The following NCAM2 variants were observed in gnomAD, a reference collection of about 807,000 sequenced individuals.
The protein encoded by NCAM2 is neural cell adhesion molecule 2.
Under a neutral mutation model 98.1 loss-of-function variants are expected in NCAM2, and 30 were observed. That is an observed-to-expected ratio of 0.31 (90% CI 0.23 to 0.41). The LOEUF (loss-of-function observed/expected upper bound fraction) is 0.41, where lower values mean the gene tolerates loss of function less well. NCAM2 is among the 10% of genes least tolerant of loss of function. The pLI, the probability that NCAM2 is intolerant of heterozygous loss-of-function variation, is 1.00. For missense variants in NCAM2, 867 were observed against 1,005.8 expected (o/e 0.86, Z 1.87); for synonymous variants, 368 against 342.4 (o/e 1.07, Z -0.83).
chr21:21,477,089 AAAC>A (rs1482751613), intron 14 of NCAM2, among the ~76,000 whole-genome samples, 199 bp from the exon 15 acceptor site: 4 of 152,104 alleles, frequency 2.6e-5, no homozygotes, highest in Non-Finnish European at 4.4e-5. Flanking sequence ...TGGCTAATAT[AAAC>A]AACATTATAT....
intron 1 of NCAM2, among the ~76,000 whole-genome samples, chr21:21,247,633 C>T (rs1454374475): frequency 6.6e-6 from 1 of 152,068 alleles, no homozygotes; most frequent in Non-Finnish European, 1.5e-5. Context: ...CATTGTTTAT[C>T]TTAACCAGTG....
intron 8 of NCAM2, among the ~76,000 whole-genome samples, chr21:21,362,524 C>G (rs1436096383): frequency 6.6e-6 from 1 of 152,018 alleles, no homozygotes; most frequent in Non-Finnish European, 1.5e-5. Context: ...TTCTGGGTAG[C>G]TGGGACTACA....
intron 1 of NCAM2, among the ~76,000 whole-genome samples, chr21:21,000,583 A>G (rs2064001214): frequency 6.6e-6 from 1 of 152,206 alleles, no homozygotes; most frequent in African/African-American, 2.4e-5. Flanking sequence ...GCACTCTGAG[A>G]CAAGCATCTC....
chr21:21,453,530 A>T (rs1981659176), intron 12 of NCAM2, among the ~76,000 whole-genome samples: 1 of 152,066 alleles, frequency 6.6e-6, no homozygotes, highest in African/African-American at 2.4e-5. Context: ...CTCGTAAGTA[A>T]TTCTAGAAAG....
chr21:21,534,840 CTT>C, intron 17 of NCAM2, among the ~76,000 whole-genome samples, 184 bp downstream of exon 17: 1 of 152,080 alleles, frequency 6.6e-6, no homozygotes, highest in South Asian at 2.1e-4. Context: ...TTCATGAAAA[CTT>C]TGTATGAATG....
chr21:21,003,672 T>G (rs1342108225), intron 1 of NCAM2, among the ~76,000 whole-genome samples: 1 of 152,176 alleles, frequency 6.6e-6, no homozygotes, highest in Admixed American at 6.5e-5. Flanking sequence ...TTATTTAGTT[T>G]TAAAAAATCA....
At chr21:21,000,315 T>C (rs1237944894) in intron 1 of NCAM2, among the ~76,000 whole-genome samples, 1 of 152,070 alleles carries the variant, frequency 6.6e-6, no homozygotes, top group South Asian at 2.1e-4. Context: ...GGGAGCATAA[T>C]AGGAAACAAG....
chr21:21,492,825 CTTTAT>C (rs1342567340), intron 15 of NCAM2, among the ~76,000 whole-genome samples: 1 of 151,778 alleles, frequency 6.6e-6, no homozygotes, highest in Non-Finnish European at 1.5e-5. Context: ...AGATAGAGGA[CTTTAT>C]TTTTTCTGTT....
At chr21:21,177,994 A>G (rs2068350021) in intron 1 of NCAM2, among the ~76,000 whole-genome samples, 1 of 152,144 alleles carries the variant, frequency 6.6e-6, no homozygotes, top group Admixed American at 6.5e-5. Context: ...AACAGTTTAT[A>G]TATTTTTATA....
At chr21:21,442,034 A>T (rs756781008) in intron 12 of NCAM2, among the ~76,000 whole-genome samples, 1 of 152,168 alleles carries the variant, frequency 6.6e-6, no homozygotes. Context: ...CCCGATATTT[A>T]CATACACATT....
chr21:21,485,655 A>G (rs1986285741), intron 15 of NCAM2, among the ~76,000 whole-genome samples: 1 of 152,184 alleles, frequency 6.6e-6, no homozygotes, highest in Non-Finnish European at 1.5e-5. Flanking sequence ...TTTCACTTGC[A>G]ACCACATCTT....
chr21:21,209,601 G>T (rs1342249640), intron 1 of NCAM2, among the ~76,000 whole-genome samples: 1 of 152,122 alleles, frequency 6.6e-6, no homozygotes, highest in Non-Finnish European at 1.5e-5. Flanking sequence ...AGCTAGTCAT[G>T]GAAGTGGGTC....
intron 1 of NCAM2, among the ~76,000 whole-genome samples, chr21:21,265,840 C>T (rs1601815168): frequency 6.6e-6 from 1 of 152,016 alleles, no homozygotes; most frequent in East Asian, 1.9e-4. Context: ...GGGCTCAAAC[C>T]CAAACCTCAG....
At chr21:21,174,027 G>A (rs1234405778) in intron 1 of NCAM2, among the ~76,000 whole-genome samples, 1 of 152,102 alleles carries the variant, frequency 6.6e-6, no homozygotes, top group Admixed American at 6.5e-5. Flanking sequence ...GAGTTCAAGC[G>A]ATTCTCCTGC....
At chr21:21,236,906 T>C (rs551201463) in intron 1 of NCAM2, among the ~76,000 whole-genome samples, 1 of 152,294 alleles carries the variant, frequency 6.6e-6, no homozygotes, top group Non-Finnish European at 1.5e-5. Context: ...ACGTTTAGGA[T>C]AGAAAACTAG....
At chr21:21,293,168 A>G (rs2073355923) in intron 5 of NCAM2, among the ~76,000 whole-genome samples, 1 of 151,860 alleles carries the variant, frequency 6.6e-6, no homozygotes, top group Non-Finnish European at 1.5e-5. Context: ...TTGTTGAACA[A>G]TTTCATCTCC....
chr21:21,149,052 CTCTGTTATGT>C (rs2067370292), intron 1 of NCAM2, among the ~76,000 whole-genome samples: 1 of 152,008 alleles, frequency 6.6e-6, no homozygotes, highest in Admixed American at 6.6e-5. Flanking sequence ...TATTTCTGGA[CTCTGTTATGT>C]TCCATGAATC....
intron 12 of NCAM2, among the ~76,000 whole-genome samples, chr21:21,448,133 C>T (rs745787939): frequency 3.3e-5 from 5 of 151,886 alleles, no homozygotes; most frequent in Non-Finnish European, 5.9e-5. Context: ...AGCAAAGTCA[C>T]GGAGCCAACC....
At chr21:21,136,713 C>G (rs554949384) in intron 1 of NCAM2, among the ~76,000 whole-genome samples, 172 of 151,732 alleles carry the variant, frequency 1.1e-3, no homozygotes, top group African/African-American at 4.0e-3. Context: ...GACAGTCTGC[C>G]CGCCTCAGTC....
Sources: gnomAD v4.1 joint callset for allele counts (sites outside exome capture counted in the v4.1 genomes callset) on GRCh38, gnomAD v4.1.1 for gene constraint, MANE v1.5 for transcripts, NCBI Gene and HGNC (gene_info 2026-07-23, HGNC 2026-07-21) for gene names.